ADGRE5: variants seen among roughly 807,000 people sequenced by gnomAD.
The protein encoded by ADGRE5 is adhesion G protein-coupled receptor E5, also known as CD97 molecule.
In ADGRE5, 72 loss-of-function variants were observed where a neutral mutation model predicts 100.3. The ratio of observed to expected loss-of-function variants is 0.72; its 90% CI spans 0.59 to 0.87. The LOEUF is 0.87. Ranked by LOEUF, ADGRE5 falls within the 40% of genes least tolerant of loss-of-function variation. The pLI is 0.00. For synonymous variants in ADGRE5, 439 were observed against 447.8 expected, an observed-to-expected ratio of 0.98 and a Z score of 0.25; for missense variants, 959 against 1,094.7, an observed-to-expected ratio of 0.88 and a Z score of 1.75.
At chr19:14,393,671 G>T (rs1388161268) in intron 4 of ADGRE5, among the ~76,000 whole-genome samples, 1 of 152,208 alleles carries the variant, frequency 6.6e-6, no homozygotes, top group Non-Finnish European at 1.5e-5. Flanking sequence ...CTCCTGCCCT[G>T]CATTCAGGCA....
intron 13 of ADGRE5, 114 bp from the exon 14 acceptor site, chr19:14,405,634 G>T (rs1976193662): frequency 2.7e-6 from 2 of 735,002 alleles, no homozygotes; most frequent in Admixed American, 2.3e-5. Flanking sequence ...GGAGGGACAA[G>T]GGAGGAGGTC....
Position 14,398,359 on chromosome 19 carries a change from G to C in ADGRE5, c.897+220G>C, listed in dbSNP as rs1323349416. The C allele has an allele frequency of 3.7e-5, 21 of 566,550 alleles. No individual in the cohort carries two copies. In the South Asian group the frequency reaches 3.9e-4, roughly 11 times the overall value. 35.1% of individuals were successfully genotyped at this position (566,550 alleles called of 1,614,324 possible). A position where few individuals can be genotyped will look rare whatever the true frequency, so the allele number is the denominator to read the frequency against. On this transcript the variant is annotated intron_variant, in intron 9 of 19. Transcript: ENST00000242786. ...ACACACACCAGGTATAATGGCAACA[G>C]AGTGCAGCACTTAAGAACCTGGAGT...
At chr19:14,384,471 C>T (rs564162567) in intron 1 of ADGRE5, among the ~76,000 whole-genome samples, 6 of 152,270 alleles carry the variant, frequency 3.9e-5, no homozygotes, top group South Asian at 2.1e-4. Flanking sequence ...CATGCCCAGC[C>T]GTTGTCCTGG....
chr19:14,402,674 A>G lies in ADGRE5; in HGVS notation c.1261A>G (p.Lys421Glu). The change falls in exon 12 of 20, where the codon AAG becomes GAG. Residue 421 changes from lysine (K) to glutamate (E), a missense_variant. Lys to Glu is a moderately conservative substitution (Grantham distance 56). Coordinates refer to ENST00000242786, the MANE Select transcript of ADGRE5 (RefSeq NM_078481.4). ...LANASLNLHS[K>E]KQAELEEIYE... is the part of the protein sequence containing the mutation. ...CAATGCCTCCTTGAACCTGCATTCCAAGAAGCAAGCCGAACTGGAGGAGAT... is the reference window on the plus strand; with the variant it reads ...CAATGCCTCCTTGAACCTGCATTCCGAGAAGCAAGCCGAACTGGAGGAGAT... 6.2e-7 allele frequency: 1 copy of G among 1,614,176 alleles called. No homozygotes were observed. Among genetic ancestry groups the G allele is most frequent in the Non-Finnish European group, 8.5e-7 (1 of 1,180,030 alleles).
Position 14,402,605 on chromosome 19 carries a change from G to T in ADGRE5, c.1192G>T (p.Val398Leu). 6.2e-7 allele frequency: 1 copy of T among 1,614,008 alleles called. No individual in the cohort carries two copies. Among genetic ancestry groups the T allele is most frequent in the South Asian group, 1.1e-5 (1 of 91,076 alleles). ...AAGAEDPGPAVAGILSIQNMT... is the reference protein window; with the variant it reads ...AAGAEDPGPALAGILSIQNMT... ...GTGTGTCTGTTCCCCAGGCCCCGCC[G>T]TGGCGGGCATCCTCTCCATCCAGAA... The change falls in exon 12 of 20, where the codon GTG (valine) becomes TTG (leucine). Residue 398 changes from valine (V) to leucine (L), a missense_variant. By Grantham distance (32) the Val-to-Leu change is conservative. Coordinates refer to ENST00000242786, the MANE Select transcript of ADGRE5 (RefSeq NM_078481.4).
intron 4 of ADGRE5, among the ~76,000 whole-genome samples, chr19:14,392,924 A>G (rs1410315672): frequency 2.0e-5 from 3 of 147,866 alleles, no homozygotes; most frequent in Admixed American, 6.7e-5. Flanking sequence ...AAAAATGGCT[A>G]GGCGCGATGG....
chr19:14,403,526 T>A (rs1421641899), intron 12 of ADGRE5, among the ~76,000 whole-genome samples: 1 of 152,118 alleles, frequency 6.6e-6, no homozygotes, highest in Non-Finnish European at 1.5e-5. Flanking sequence ...CTAATTTTTT[T>A]ATTTTTGATA....
At position 14,407,891 on chromosome 19, in the gene ADGRE5, G is replaced by A. The variant is rs757862383; in HGVS notation, c.2377-17G>A. 6.2e-7 allele frequency: 1 copy of A among 1,609,812 alleles called. No individual in the cohort carries two copies. Among genetic ancestry groups the A allele is most frequent in the South Asian group, 1.1e-5 (1 of 90,902 alleles). On this transcript the variant is annotated splice_polypyrimidine_tract_variant and intron_variant, in intron 18 of 19. Transcript: ENST00000242786. ...CCAGGGCCTGCTCCTGCCCTGACTT[G>A]GTGTCTGGGCCGGCAGGTTCGGGAA...
intron 3 of ADGRE5, among the ~76,000 whole-genome samples, chr19:14,390,535 G>C (rs950756247): frequency 2.6e-5 from 4 of 152,048 alleles, no homozygotes; most frequent in South Asian, 2.1e-4. Flanking sequence ...TCTTGGCCAG[G>C]CTGGTCTCGA....
At chr19:14,399,357 G>A (rs888424798) in intron 9 of ADGRE5, among the ~76,000 whole-genome samples, 3 of 151,096 alleles carry the variant, frequency 2.0e-5, no homozygotes, top group Admixed American at 2.0e-4. Flanking sequence ...GAGATCAAGA[G>A]TTTGAGACCA....
At chr19:14,405,476 G>C (rs1976188600) in intron 13 of ADGRE5, 3 of 433,974 alleles carry the variant, frequency 6.9e-6, no homozygotes. Flanking sequence ...GACTTCAGTA[G>C]GATCCATCGT....
At chr19:14,395,625 T>G (rs1975748919) in intron 4 of ADGRE5, among the ~76,000 whole-genome samples, 1 of 152,224 alleles carries the variant, frequency 6.6e-6, no homozygotes, top group Non-Finnish European at 1.5e-5. Context: ...ATATGGATTC[T>G]CACCAAATCC....
At position 14,402,708 on chromosome 19, in the gene ADGRE5, G is replaced by T; in HGVS notation, c.1295G>T (p.Ser432Ile). 3 of 1,614,160 alleles carry T rather than the reference G, an allele frequency of 1.9e-6. No individual in the cohort carries two copies. Among genetic ancestry groups the T allele is most frequent in the Non-Finnish European group, 2.5e-6 (3 of 1,180,038 alleles). ...GCCGAACTGGAGGAGATATATGAAA[G>T]CAGCATCCGTGGTGTCCAACTCAGA... ...KQAELEEIYESSIRGVQLRRL... is the reference protein window; with the variant it reads ...KQAELEEIYEISIRGVQLRRL... Residue 432 changes from serine to isoleucine, a missense_variant, in exon 12 of 20, where the codon AGC becomes ATC. By Grantham distance (142) the Ser-to-Ile change is moderately radical. Around this residue, in one of 6 missense-constraint regions of ADGRE5, gnomAD observed 246 missense variants for 242.2 expected, o/e 1.02. Transcript: ENST00000242786.
intron 12 of ADGRE5, 59 bp from the exon 13 acceptor site, chr19:14,404,324 C>T (rs760689797): frequency 6.6e-7 from 1 of 1,511,674 alleles, no homozygotes; most frequent in Non-Finnish European, 8.9e-7. Flanking sequence ...TCAGCCCAAG[C>T]CCAGGACCTA....
intron 4 of ADGRE5, among the ~76,000 whole-genome samples, chr19:14,394,694 C>T (rs1191166332): frequency 6.6e-6 from 1 of 152,104 alleles, no homozygotes; most frequent in Non-Finnish European, 1.5e-5. Flanking sequence ...TTGCTGCCAC[C>T]GGGGCTCCCA....
In ADGRE5 at chr19:14,406,875, G is replaced by T; in HGVS notation, c.2122G>T (p.Ala708Ser). 6.2e-7 allele frequency: 1 copy of T among 1,614,058 alleles called. No individual in the cohort carries two copies. Among genetic ancestry groups the T allele is most frequent in the Non-Finnish European group, 8.5e-7 (1 of 1,179,906 alleles). ...CAATCTGCTCCCTGCCCAGTGCAATGCTGTCATTTTCGTGACTACCGTCTG... is the reference window on the plus strand; with the variant it reads ...CAATCTGCTCCCTGCCCAGTGCAATTCTGTCATTTTCGTGACTACCGTCTG... Reference protein sequence around the residue: ...GPVTFIILCNAVIFVTTVWKL... With the variant: ...GPVTFIILCNSVIFVTTVWKL... Residue 708 changes from alanine to serine, a missense_variant, in exon 17 of 20, where the codon GCT (alanine) becomes TCT (serine). By Grantham distance (99) the Ala-to-Ser change is moderately conservative. Transcript: ENST00000242786. This position sits in a 1 kb window ranked among gnomAD's most constrained non-coding sequence, Gnocchi z 6.0.
chr19:14,382,025 C>A (rs906405256), intron 1 of ADGRE5, among the ~76,000 whole-genome samples: 1 of 152,206 alleles, frequency 6.6e-6, no homozygotes, highest in Non-Finnish European at 1.5e-5. Context: ...GACCCCAGTT[C>A]TTGCTCCCCG....
rs867334074 is a variant in ADGRE5 at position 14,406,386 on chromosome 19, C to A, written c.1877C>A (p.Ala626Asp). Residue 626 changes from alanine to aspartate, a missense_variant, in exon 15 of 20, where the codon GCC becomes GAC. Transcript: ENST00000242786. The surrounding 1 kb of genome is among the most constrained non-coding windows in gnomAD (Gnocchi z 6.0). ...CTGCTGCACTACTGTTTCCTGGCCG[C>A]CTTCTGCTGGATGAGCCTCGAAGGC... ...AGLLHYCFLA[A>D]FCWMSLEGLE... The A allele has an allele frequency of 6.3e-7, 1 of 1,591,122 alleles. No homozygotes were observed. The highest frequency in any genetic ancestry group is 2.3e-5 in the East Asian group (1 of 43,720).
At position 14,401,401 on chromosome 19, in the gene ADGRE5, G is replaced by A. The variant is rs548618400; in HGVS notation, c.913G>A (p.Val305Met). 20 of 1,613,938 alleles carry A rather than the reference G, an allele frequency of 1.2e-5. No homozygotes were observed. The South Asian group carries it at 1.8e-4, about 14-fold the overall frequency. ...EVTIQNVIKL[V>M]DELMEAPGDV... Reference sequence around the variant, plus strand: ...CACCCCCTAGAATGTCATCAAATTGGTGGATGAACTGATGGAAGCTCCTGG... The same window carrying A: ...CACCCCCTAGAATGTCATCAAATTGATGGATGAACTGATGGAAGCTCCTGG... Residue 305 changes from valine to methionine, a missense_variant, in exon 10 of 20, where the codon GTG becomes ATG. By Grantham distance (21) the Val-to-Met change is conservative (BLOSUM62 1). Coordinates refer to ENST00000242786, the MANE Select transcript of ADGRE5 (RefSeq NM_078481.4). The surrounding 1 kb of genome is among the most constrained non-coding windows in gnomAD (Gnocchi z 4.1).
Sources: allele counts gnomAD v4.1 joint callset (sites outside exome capture counted in the v4.1 genomes callset), GRCh38; gene constraint gnomAD v4.1.1; regional missense constraint gnomAD v4.1.1; non-coding constraint Gnocchi (gnomAD v3.1); transcripts MANE v1.5; gene names NCBI Gene and HGNC (gene_info 2026-07-23, HGNC 2026-07-21).